Variants in MTF2 observed in about 807,000 individuals in gnomAD.
MTF2 encodes metal response element binding transcription factor 2.
In MTF2, 11 loss-of-function variants were observed where a neutral mutation model predicts 79.5. The observed-to-expected ratio is 0.14, with a 90% CI of 0.09 to 0.23. The LOEUF (loss-of-function observed/expected upper bound fraction) is 0.23, where lower values mean the gene tolerates loss of function less well. MTF2 is among the 10% of genes least tolerant of loss of function. MTF2 has a pLI of 1.00. For missense variants in MTF2, 486 were observed against 711.2 expected, an observed-to-expected ratio of 0.68 and a Z score of 3.60; for synonymous variants, 208 against 232.8, an observed-to-expected ratio of 0.89 and a Z score of 0.97.
chr1:93,100,374 C>T (rs903211059), intron 1 of MTF2, among the ~76,000 whole-genome samples: 2 of 151,936 alleles, frequency 1.3e-5, no homozygotes, highest in African/African-American at 2.4e-5. Context: ...GCATGATCTC[C>T]GCTCACTGCA....
intron 1 of MTF2, 120 bp from the exon 2 acceptor site, chr1:93,110,110 A>G: frequency 5.5e-6 from 5 of 915,400 alleles, no homozygotes; most frequent in Non-Finnish European, 8.2e-6. Context: ...GGTACTTTTT[A>G]TATTTTTGTC....
At chr1:93,123,770 C>CT in intron 9 of MTF2, among the ~76,000 whole-genome samples, 1 of 147,794 alleles carries the variant, frequency 6.8e-6, no homozygotes, top group Non-Finnish European at 1.5e-5. Context: ...GTCCCCCCCC[C>CT]CTTTTTTTAA....
intron 3 of MTF2, among the ~76,000 whole-genome samples, chr1:93,112,701 A>T (rs747453626): frequency 6.6e-6 from 1 of 152,246 alleles, no homozygotes; most frequent in Admixed American, 6.5e-5. Context: ...TATTTCTAAG[A>T]TGAAATGGCC....
intron 1 of MTF2, among the ~76,000 whole-genome samples, chr1:93,098,268 G>A (rs1174109977): frequency 2.0e-5 from 3 of 152,186 alleles, no homozygotes; most frequent in Non-Finnish European, 2.9e-5. Context: ...TAAAAGCTAA[G>A]TCTTGATGAA....
chr1:93,115,190 A>G, intron 5 of MTF2, 102 bp downstream of exon 5: 1 of 897,588 alleles, frequency 1.1e-6, no homozygotes, highest in South Asian at 1.7e-5. Flanking sequence ...GAAATGAGCA[A>G]TGAATGCTGG....
At position 93,088,012 on chromosome 1, in the gene MTF2, C is replaced by T. The variant is rs370355270; in HGVS notation, c.5+8481C>T. ...CCCTTATCATCCATATGCTCTACTA[C>T]CTACCAAAGATCCAGTTCATACTTT... is the stretch of plus-strand genomic sequence containing the variant. On this transcript the variant is annotated intron_variant, in intron 1 of 14. Transcript: ENST00000370298. Among the ~76,000 whole-genome samples, 34 of 152,286 alleles carry T rather than the reference C, an allele frequency of 2.2e-4. No individual in the cohort carries two copies. In the South Asian group the frequency reaches 6.6e-3, roughly 30 times the overall value.
At chr1:93,096,740 A>T (rs1230084541) in intron 1 of MTF2, among the ~76,000 whole-genome samples, 1 of 146,568 alleles carries the variant, frequency 6.8e-6, no homozygotes, top group East Asian at 2.0e-4. Flanking sequence ...TCAAATACTT[A>T]TTTCTGTTAT....
chr1:93,089,506 A>G (rs887573298), intron 1 of MTF2, among the ~76,000 whole-genome samples: 3 of 152,190 alleles, frequency 2.0e-5, no homozygotes, highest in South Asian at 2.1e-4. Context: ...ACTTGTTTAC[A>G]TGGAGTTATT....
chr1:93,132,309 C>A (rs1656952681), intron 11 of MTF2, among the ~76,000 whole-genome samples: 1 of 152,088 alleles, frequency 6.6e-6, no homozygotes, highest in Non-Finnish European at 1.5e-5. Flanking sequence ...CAGATTTTGT[C>A]ACTCAGATCC....
Position 93,119,346 on chromosome 1 carries a change from A to G in MTF2, c.742A>G (p.Ile248Val), listed in dbSNP as rs530193073. 3 of 1,564,574 alleles carry G rather than the reference A, an allele frequency of 1.9e-6. No individual in the cohort carries two copies. Among genetic ancestry groups the G allele is most frequent in the African/African-American group, 1.5e-5 (1 of 68,430 alleles). ...MLFGDRFYTF[I>V]CSVCSSGPEY... ...TTTTTTTCTTAGATTTTATACGTTT[A>G]TATGCTCTGTCTGCAGTTCTGGACC... The change falls in exon 8 of 15, where the codon ATA becomes GTA. Residue 248 changes from isoleucine (I) to valine (V), a missense_variant. Physicochemically the swap from Ile to Val is conservative, Grantham distance 29. Around this residue, in one of 4 missense-constraint regions of MTF2, gnomAD observed 177 missense variants for 364.0 expected, o/e 0.49. Transcript: ENST00000370298.
At position 93,114,852 on chromosome 1, in the gene MTF2, A is replaced by C. The variant is rs911966311; in HGVS notation, c.382+69A>C. On this transcript the variant is annotated intron_variant, in intron 4 of 14. Transcript: ENST00000370298. ...ATGTTGAAGATTAATGACTAAAAATACTTTACATTGATAATTTGAAATTAT... is the reference window on the plus strand; with the variant it reads ...ATGTTGAAGATTAATGACTAAAAATCCTTTACATTGATAATTTGAAATTAT... The C allele has an allele frequency of 1.3e-5, 17 of 1,323,548 alleles. No individual in the cohort carries two copies. The African/African-American group carries it at 2.4e-4, about 19-fold the overall frequency. 82.0% of individuals were successfully genotyped at this position (1,323,548 alleles called of 1,614,324 possible). A position where few individuals can be genotyped will look rare whatever the true frequency, so the allele number is the denominator to read the frequency against.
At chr1:93,124,588 T>A (rs1055211508) in intron 9 of MTF2, among the ~76,000 whole-genome samples, 1 of 152,106 alleles carries the variant, frequency 6.6e-6, no homozygotes, top group African/African-American at 2.4e-5. Context: ...GAAATGATAC[T>A]AGAGGAAAAT....
chr1:93,087,587 C>T (rs1654900996), intron 1 of MTF2, among the ~76,000 whole-genome samples: 1 of 137,042 alleles, frequency 7.3e-6, no homozygotes, highest in African/African-American at 2.6e-5. Flanking sequence ...AAAAAAAAAG[C>T]CTTAATGGCA....
chr1:93,110,245 A>T lies in MTF2; in HGVS notation c.21A>T (p.Ala7=). Residue 7 remains alanine, a synonymous_variant, in exon 2 of 15, where the codon GCA becomes GCT. Coordinates refer to ENST00000370298, the MANE Select transcript of MTF2 (RefSeq NM_007358.4). ...CTCTAAACAGAGACTCTACAGGGGC[A>T]GGTAATTCACTGGTCCACAAGCGGT... MRDSTG[A]GNSLVHKRSP... is the part of the protein sequence containing the mutation. 1 of 1,614,150 alleles carries T rather than the reference A, an allele frequency of 6.2e-7. No homozygotes were observed. The highest frequency in any genetic ancestry group is 8.5e-7 in the Non-Finnish European group (1 of 1,179,986).
chr1:93,120,374 G>T, intron 8 of MTF2, 175 bp from the exon 9 acceptor site: 1 of 427,292 alleles, frequency 2.3e-6, no homozygotes, highest in Non-Finnish European at 4.0e-6. Flanking sequence ...ATAAGTGAAT[G>T]TTTAGTCACT....
chr1:93,107,894 C>T (rs187862435), intron 1 of MTF2, among the ~76,000 whole-genome samples: 5 of 152,278 alleles, frequency 3.3e-5, no homozygotes, highest in African/African-American at 1.2e-4. Context: ...AGTCCTCCCA[C>T]CCCAGACTCC....
In MTF2 at chr1:93,120,560, C is replaced by T. The variant is rs769950041; in HGVS notation, c.809C>T (p.Ala270Val). 4.4e-6 allele frequency: 7 copies of T among 1,594,440 alleles called. No individual in the cohort carries two copies. Among genetic ancestry groups the T allele is most frequent in the East Asian group, 2.3e-5 (1 of 43,784 alleles). Residue 270 changes from alanine to valine, a missense_variant, in exon 9 of 15, where the codon GCA becomes GTA. Coordinates refer to ENST00000370298, the MANE Select transcript of MTF2 (RefSeq NM_007358.4). ...TTTTCGGATTCCAGGGTAGATATAG[C>T]ACACCTATGCCTTTACAACCTAAGT... The part of the protein sequence containing the change: ...KRLPLQWVDI[A>V]HLCLYNLSVI...
At chr1:93,119,422 T>C in intron 8 of MTF2, 21 bp downstream of exon 8, 1 of 1,546,932 alleles carries the variant, frequency 6.5e-7, no homozygotes, top group Non-Finnish European at 8.7e-7. Flanking sequence ...ACCTTTCTGT[T>C]AAAAGAAAGA....
intron 1 of MTF2, among the ~76,000 whole-genome samples, chr1:93,105,433 T>C (rs553845656): frequency 6.6e-6 from 1 of 152,292 alleles, no homozygotes; most frequent in African/African-American, 2.4e-5. Flanking sequence ...GAGAGAAGAT[T>C]TATTGAATGC....
Sources: allele counts gnomAD v4.1 joint callset (sites outside exome capture counted in the v4.1 genomes callset), GRCh38; gene constraint gnomAD v4.1.1; regional missense constraint gnomAD v4.1.1; transcripts MANE v1.5; gene names NCBI Gene and HGNC (gene_info 2026-07-23, HGNC 2026-07-21).